The following MNS1 variants were observed in gnomAD, a reference collection of about 807,000 sequenced individuals.
MNS1 encodes the protein meiosis-specific nuclear structural protein 1.
A neutral mutation model predicts 72.0 loss-of-function variants in MNS1; 63 were observed. The observed-to-expected ratio is 0.87, with a 90% CI of 0.71 to 1.08. The LOEUF is 1.08. MNS1 is among the 50% of genes least tolerant of loss of function. The pLI is 0.00. For missense variants in MNS1, 604 were observed against 562.4 expected (o/e 1.07, Z -0.75); for synonymous variants, 188 against 172.1 (o/e 1.09, Z -0.72).
At chr15:56,434,435 C>A in intron 7 of MNS1, 40 bp from the exon 8 acceptor site, 2 of 1,557,530 alleles carry the variant, frequency 1.3e-6, no homozygotes, top group Non-Finnish European at 8.7e-7. Context: ...TAACTATTTC[C>A]TTACACCAGA....
intron 7 of MNS1, among the ~76,000 whole-genome samples, chr15:56,436,244 A>G (rs1227607874): frequency 6.6e-6 from 1 of 152,198 alleles, no homozygotes; most frequent in Non-Finnish European, 1.5e-5. Flanking sequence ...AACAGAAATT[A>G]TAACAAACTG....
intron 9 of MNS1, 103 bp downstream of exon 9, chr15:56,431,270 G>A (rs545646264): frequency 3.5e-5 from 48 of 1,359,992 alleles, no homozygotes; most frequent in East Asian, 7.0e-5. Context: ...CTTCATAACC[G>A]AGCAAGAAGT....
intron 9 of MNS1, chr15:56,430,057 T>C (rs1048538025): frequency 6.6e-6 from 1 of 152,232 alleles, no homozygotes; most frequent in African/African-American, 2.4e-5. Flanking sequence ...ATTACCTATA[T>C]ATCTTTTTCC....
chr15:56,448,914 C>T (rs890014869), intron 3 of MNS1, among the ~76,000 whole-genome samples: 3 of 151,908 alleles, frequency 2.0e-5, no homozygotes, highest in Admixed American at 6.6e-5. Flanking sequence ...CCACCATGCC[C>T]GGTTAATTTT....
intron 2 of MNS1, among the ~76,000 whole-genome samples, chr15:56,463,276 TTTG>T (rs2051034205): frequency 6.6e-6 from 1 of 152,170 alleles, no homozygotes; most frequent in African/African-American, 2.4e-5. Context: ...CCCCTAAATT[TTTG>T]TTTTTAGAAA....
At chr15:56,453,074 A>G (rs1361868274) in intron 3 of MNS1, among the ~76,000 whole-genome samples, 1 of 152,182 alleles carries the variant, frequency 6.6e-6, no homozygotes, top group African/African-American at 2.4e-5. Context: ...TACAGATATT[A>G]CAGCATGTTT....
chr15:56,461,975 G>GTTTTTTTTTTT (rs56022687), intron 2 of MNS1, among the ~76,000 whole-genome samples: 1 of 97,906 alleles, frequency 1.0e-5, no homozygotes, highest in African/African-American at 3.8e-5. Flanking sequence ...TTTTGTTGTT[G>GTTTTTTTTTTT]TTTTTTTTTT....
chr15:56,449,249 G>A (rs1383189446), intron 3 of MNS1, among the ~76,000 whole-genome samples: 2 of 151,298 alleles, frequency 1.3e-5, no homozygotes, highest in Non-Finnish European at 2.9e-5. Flanking sequence ...AGTGTCAGAG[G>A]GGAAGTGTTT....
At chr15:56,444,752 G>A (rs1441099145) in intron 4 of MNS1, 79 bp from the exon 5 acceptor site, 1 of 1,186,486 alleles carries the variant, frequency 8.4e-7, no homozygotes, top group Non-Finnish European at 1.2e-6. Context: ...CAATGTTATT[G>A]AATATTATAA....
intron 7 of MNS1, among the ~76,000 whole-genome samples, chr15:56,438,112 C>G (rs1379279200): frequency 1.3e-5 from 2 of 152,110 alleles, no homozygotes; most frequent in Non-Finnish European, 2.9e-5. Context: ...TTGGAAAAAA[C>G]TACTTTAAAA....
intron 4 of MNS1, 87 bp downstream of exon 4, chr15:56,446,754 T>C: frequency 1.0e-6 from 1 of 962,720 alleles, no homozygotes; most frequent in Non-Finnish European, 1.6e-6. Flanking sequence ...GTAAATTCTT[T>C]ATACAATATG....
At chr15:56,451,186 A>G (rs1374727229) in intron 3 of MNS1, among the ~76,000 whole-genome samples, 3 of 152,326 alleles carry the variant, frequency 2.0e-5, no homozygotes, top group South Asian at 2.1e-4. Context: ...GGTAAAACAG[A>G]TAAGTGCCTT....
rs77645414 is a variant in MNS1 at position 56,441,311 on chromosome 15, A to C, written c.1011+2119T>G. On this transcript the variant is annotated intron_variant, in intron 7 of 9. Transcript: ENST00000260453. The stretch of plus-strand genomic sequence containing the variant: ...GACTTCCTTTATGTCCTAGAATATG[A>C]TCTATCTCGGTGAAGGTTCCATGTT... Among the ~76,000 whole-genome samples, 63 of 151,710 alleles carry C rather than the reference A, an allele frequency of 4.2e-4. 1 individual carries two copies. The East Asian group carries it at 0.012, about 28-fold the overall frequency.
chr15:56,458,182 TATA>T (rs1193073796), intron 2 of MNS1, among the ~76,000 whole-genome samples: 1 of 152,216 alleles, frequency 6.6e-6, no homozygotes, highest in Admixed American at 6.5e-5. Context: ...ATAATTGAGA[TATA>T]ATTCATATAG....
At chr15:56,464,002 G>T (rs764245202) in intron 2 of MNS1, 24 bp downstream of exon 2, 1 of 1,561,980 alleles carries the variant, frequency 6.4e-7, no homozygotes. Flanking sequence ...GAAAAAAAAA[G>T]TAACAATGAA....
At position 56,465,078 on chromosome 15, in the gene MNS1, G is replaced by T. The variant is rs377509294; in HGVS notation, c.-106C>A. 10 of 1,486,074 alleles carry T rather than the reference G, an allele frequency of 6.7e-6. No individual in the cohort carries two copies. In the South Asian group the frequency reaches 1.2e-4, roughly 18 times the overall value. The allele number at this position is 1,486,074 out of a possible 1,614,324, so 92.1% of individuals were successfully genotyped here. ...GGAGCGCACCTGGCTGCGCGCGCTC[G>T]GGTGTTTACGCGGCGTCTTGGCAAC... On this transcript the variant is annotated 5_prime_UTR_variant, in exon 1 of 10. Coordinates refer to ENST00000260453, the MANE Select transcript of MNS1 (RefSeq NM_018365.4).
At chr15:56,452,735 G>C (rs995200085) in intron 3 of MNS1, among the ~76,000 whole-genome samples, 1 of 151,956 alleles carries the variant, frequency 6.6e-6, no homozygotes, top group Non-Finnish European at 1.5e-5. Context: ...AGCCAGGATG[G>C]TCTCGATCTC....
At chr15:56,446,361 C>T (rs2050902969) in intron 4 of MNS1, among the ~76,000 whole-genome samples, 1 of 151,864 alleles carries the variant, frequency 6.6e-6, no homozygotes, top group African/African-American at 2.4e-5. Flanking sequence ...AAGAGTAACT[C>T]TTATCTTCAA....
intron 7 of MNS1, among the ~76,000 whole-genome samples, chr15:56,442,179 T>A (rs2050827210): frequency 6.6e-6 from 1 of 151,982 alleles, no homozygotes; most frequent in Admixed American, 6.5e-5. Context: ...AAAACCACAA[T>A]GAGATACTAT....
Sources: allele counts gnomAD v4.1 joint callset (sites outside exome capture counted in the v4.1 genomes callset), GRCh38; gene constraint gnomAD v4.1.1; transcripts MANE v1.5; gene names NCBI Gene and HGNC (gene_info 2026-07-23, HGNC 2026-07-21).